Variants in IRF2 observed in about 807,000 individuals in gnomAD.
The protein encoded by IRF2 is interferon regulatory factor 2.
A neutral mutation model predicts 40.6 loss-of-function variants in IRF2; 15 were observed. The ratio of observed to expected loss-of-function variants is 0.37; its 90% CI spans 0.25 to 0.57. The LOEUF (loss-of-function observed/expected upper bound fraction) is 0.57. Among genes scored for constraint, IRF2 ranks in the 20% least tolerant of loss-of-function variants. The probability of loss-of-function intolerance (pLI) is 0.77; values close to 1 mark genes in which losing one functional copy is unlikely to be tolerated. For missense variants in IRF2, 317 were observed against 455.7 expected (o/e 0.70, Z 2.77); for synonymous variants, 151 against 165.5 (o/e 0.91, Z 0.67).
chr4:184,446,750 G>A (rs962838108), intron 1 of IRF2, among the ~76,000 whole-genome samples: 13 of 152,050 alleles, frequency 8.5e-5, no homozygotes, highest in South Asian at 4.2e-4. Flanking sequence ...TCAGGAGATC[G>A]AGACCACCCC....
At chr4:184,458,856 A>G (rs1052461543) in intron 1 of IRF2, among the ~76,000 whole-genome samples, 15 of 152,324 alleles carry the variant, frequency 9.8e-5, no homozygotes, top group African/African-American at 3.6e-4. Context: ...TTCTTTATCT[A>G]CTATGGCTCT....
At chr4:184,396,346 T>C (rs897770012) in intron 7 of IRF2, among the ~76,000 whole-genome samples, 1 of 152,032 alleles carries the variant, frequency 6.6e-6, no homozygotes, top group South Asian at 2.1e-4. Context: ...CAACGGCTCA[T>C]GGGTTCTAGC....
At position 184,395,412 on chromosome 4, in the gene IRF2, C is replaced by CAAAAAA. The variant is rs34566726; in HGVS notation, c.694+3497_694+3502dup. 5.1e-4 allele frequency among the ~76,000 whole-genome samples: 34 copies of CAAAAAA among 67,046 alleles called. 2 individuals are homozygous for CAAAAAA. Among genetic ancestry groups the CAAAAAA allele is most frequent in the East Asian group, 1.1e-3 (2 of 1,776 alleles). 44.0% of individuals were successfully genotyped at this position (67,046 alleles called of 152,430 possible). ...TGGGCGACAGAGCGAGACTCCGTCT[C>CAAAAAA]AAAAAAAAAAAAAAAAAAAAAAAGG... is the stretch of plus-strand genomic sequence containing the variant. On this transcript the variant is annotated intron_variant, in intron 7 of 8. Coordinates refer to ENST00000393593, the MANE Select transcript of IRF2 (RefSeq NM_002199.4).
At chr4:184,445,666 A>AAAG (rs1176713938) in intron 1 of IRF2, among the ~76,000 whole-genome samples, 18 of 151,654 alleles carry the variant, frequency 1.2e-4, no homozygotes, top group South Asian at 4.2e-4. Context: ...AAAAAAAAAA[A>AAAG]AAGAAGAAGA....
At chr4:184,455,789 C>T (rs763941750) in intron 1 of IRF2, among the ~76,000 whole-genome samples, 1 of 152,152 alleles carries the variant, frequency 6.6e-6, no homozygotes, top group Non-Finnish European at 1.5e-5. Flanking sequence ...TGCCATTTTC[C>T]GGGTGAATCC....
chr4:184,458,102 G>A (rs1279776930), intron 1 of IRF2, among the ~76,000 whole-genome samples: 2 of 152,200 alleles, frequency 1.3e-5, no homozygotes, highest in Non-Finnish European at 2.9e-5. Flanking sequence ...CTGGCCACCA[G>A]ATGACATTGC....
rs1561091418 is a variant in IRF2, at chr4:184,408,286, GA to G, written c.412-12del. 2 of 1,513,682 alleles carry G rather than the reference GA, an allele frequency of 1.3e-6. No homozygotes were observed. Among genetic ancestry groups the G allele is most frequent in the East Asian group, 2.3e-5 (1 of 44,414 alleles). The allele number at this position is 1,513,682 out of a possible 1,614,324, so 93.8% of individuals were successfully genotyped here. A position where few individuals can be genotyped will look rare whatever the true frequency, so the allele number is the denominator to read the frequency against. The stretch of plus-strand genomic sequence containing the variant: ...CTCAACTGGTTCTTGCTAGGAAGAA[GA>G]AAAGAAAAAAGAATTGAGAACACTT... On this transcript the variant is annotated splice_polypyrimidine_tract_variant and intron_variant, in intron 5 of 8. Coordinates refer to ENST00000393593, the MANE Select transcript of IRF2 (RefSeq NM_002199.4). This position sits in a 1 kb window ranked among gnomAD's most constrained non-coding sequence, Gnocchi z 4.9.
chr4:184,420,476 A>C (rs916049139), intron 2 of IRF2, among the ~76,000 whole-genome samples: 1 of 152,262 alleles, frequency 6.6e-6, no homozygotes, highest in Non-Finnish European at 1.5e-5. Context: ...AAAGAGGTAG[A>C]GGTTATGAAA....
In IRF2 at chr4:184,443,769, G is replaced by A. The variant is rs184840226; in HGVS notation, c.-6-14699C>T. ...GGGTTGAATGGCAGTTCTATTTTTA[G>A]TTCTTTGAGAAATCCAGGAGACAGT... On this transcript the variant is annotated intron_variant, in intron 1 of 8. Transcript: ENST00000393593. Among the ~76,000 whole-genome samples the A allele has an allele frequency of 3.1e-3, 467 of 152,198 alleles. 3 individuals are homozygous for A. The highest frequency in any genetic ancestry group is 5.6e-3 in the Non-Finnish European group (381 of 68,000).
chr4:184,465,717 C>G (rs189627844), intron 1 of IRF2, among the ~76,000 whole-genome samples: 1 of 152,148 alleles, frequency 6.6e-6, no homozygotes, highest in Non-Finnish European at 1.5e-5. Context: ...CTGGATGTGC[C>G]GTAATTCGTT....
chr4:184,410,459 G>A lies in IRF2; in HGVS notation c.412-2184C>T, dbSNP rs375576566. Among the ~76,000 whole-genome samples the A allele has an allele frequency of 5.9e-5, 9 of 152,186 alleles. No homozygotes were observed. In the South Asian group the frequency reaches 1.5e-3, roughly 25 times the overall value. ...ATGGACCATGCTATCCCTCCATGGC[G>A]GCCTGAACTGTCTGACACTGCTGCA... On this transcript the variant is annotated intron_variant, in intron 5 of 8. Coordinates refer to ENST00000393593, the MANE Select transcript of IRF2 (RefSeq NM_002199.4).
At chr4:184,406,283 G>A (rs966228627) in intron 6 of IRF2, among the ~76,000 whole-genome samples, 5 of 148,822 alleles carry the variant, frequency 3.4e-5, no homozygotes, top group African/African-American at 1.0e-4. Context: ...AGGCTGGAGC[G>A]CAGTGGTGCC....
At chr4:184,468,184 G>T (rs79117299) in intron 1 of IRF2, among the ~76,000 whole-genome samples, 2,991 of 152,230 alleles carry the variant, frequency 0.02, 109 homozygotes, top group African/African-American at 0.068. Context: ...AGTCCTTCTT[G>T]CCTCTTCAAA....
At chr4:184,396,159 A>C (rs1736447477) in intron 7 of IRF2, among the ~76,000 whole-genome samples, 1 of 152,220 alleles carries the variant, frequency 6.6e-6, no homozygotes, top group African/African-American at 2.4e-5. Flanking sequence ...TGAGTGTTTC[A>C]CGCTTCGGTT....
chr4:184,461,023 A>G (rs1739124892), intron 1 of IRF2, among the ~76,000 whole-genome samples: 1 of 152,258 alleles, frequency 6.6e-6, no homozygotes, highest in South Asian at 2.1e-4. Flanking sequence ...AATTTCAAAA[A>G]TAGTGCCAAG....
chr4:184,455,260 TCCCTCCCTCTCCCTCCCCTCCCCCTC>T (rs1738875454), intron 1 of IRF2, among the ~76,000 whole-genome samples: 1 of 67,296 alleles, frequency 1.5e-5, no homozygotes, highest in African/African-American at 5.6e-5. Flanking sequence ...CCCTCCCCCT[TCCCTCCCTCTCCCTCCCCTCCCCCTC>T]CCTTCCTTCT....
At chr4:184,394,458 T>G (rs1736372782) in intron 7 of IRF2, among the ~76,000 whole-genome samples, 1 of 152,234 alleles carries the variant, frequency 6.6e-6, no homozygotes, top group Non-Finnish European at 1.5e-5. Context: ...TGATTTGAAT[T>G]TCTTTCTATT....
intron 5 of IRF2, among the ~76,000 whole-genome samples, chr4:184,410,982 A>C (rs1431567764): frequency 6.6e-6 from 1 of 152,138 alleles, no homozygotes; most frequent in Non-Finnish European, 1.5e-5. Flanking sequence ...TTCTGTCTTA[A>C]GAAGCCCTTG....
At chr4:184,406,881 A>T (rs959909132) in intron 6 of IRF2, among the ~76,000 whole-genome samples, 5 of 152,228 alleles carry the variant, frequency 3.3e-5, no homozygotes, top group Non-Finnish European at 7.3e-5. Context: ...TTCCCGAAAA[A>T]AGAATATCCT....
Sources: gnomAD v4.1 joint callset for allele counts (sites outside exome capture counted in the v4.1 genomes callset) on GRCh38, gnomAD v4.1.1 for gene constraint, Gnocchi (gnomAD v3.1) non-coding constraint, MANE v1.5 for transcripts, NCBI Gene and HGNC (gene_info 2026-07-23, HGNC 2026-07-21) for gene names.